Variants in CDH12 observed in about 807,000 individuals in gnomAD.
CDH12 encodes cadherin-12.
Under a neutral mutation model 74.1 loss-of-function variants are expected in CDH12, and 41 were observed. That is an observed-to-expected ratio of 0.55 (90% CI 0.43 to 0.72). The LOEUF is 0.72. Among genes scored for constraint, CDH12 ranks in the 30% least tolerant of loss-of-function variants. CDH12 has a pLI of 0.00. For synonymous variants in CDH12, 399 were observed against 355.0 expected, an observed-to-expected ratio of 1.12 and a Z score of -1.39; for missense variants, 945 against 977.2, an observed-to-expected ratio of 0.97 and a Z score of 0.44.
intron 1 of CDH12, among the ~76,000 whole-genome samples, chr5:22,834,136 C>G (rs1403223413): frequency 6.6e-6 from 1 of 152,156 alleles, no homozygotes; most frequent in Non-Finnish European, 1.5e-5. Flanking sequence ...CATTCATTAG[C>G]TAAACCTCTT....
At chr5:21,853,294 ACT>A (rs1168990928) in intron 7 of CDH12, among the ~76,000 whole-genome samples, 1 of 151,358 alleles carries the variant, frequency 6.6e-6, no homozygotes, top group African/African-American at 2.4e-5. Context: ...ATTCTCCAAA[ACT>A]CTATCGAAAT....
At chr5:22,607,206 G>C (rs900063655) in intron 1 of CDH12, among the ~76,000 whole-genome samples, 5 of 152,166 alleles carry the variant, frequency 3.3e-5, no homozygotes, top group Admixed American at 3.3e-4. Context: ...CAAGCTGTCT[G>C]CAGAAATTTG....
chr5:22,413,794 C>A (rs1418707771), intron 2 of CDH12, among the ~76,000 whole-genome samples: 2 of 151,874 alleles, frequency 1.3e-5, no homozygotes, highest in Non-Finnish European at 2.9e-5. Flanking sequence ...CCCGATTTTT[C>A]AATTTGTTAA....
At chr5:21,883,005 GA>G in intron 6 of CDH12, 1 of 1,606,672 alleles carries the variant, frequency 6.2e-7, no homozygotes, top group Non-Finnish European at 8.5e-7. Context: ...TAATCCAGTG[GA>G]AATCAGGAGA....
Position 22,589,741 on chromosome 5 carries a change from C to G in CDH12, c.-522-84377G>C, listed in dbSNP as rs545019341. The stretch of plus-strand genomic sequence containing the variant: ...TCTTCCTGGCATTTCAGTGTTAGAG[C>G]ACCTGAAGATGTGGTTCTCAGTTCT... On this transcript the variant is annotated intron_variant, in intron 1 of 14. Transcript: ENST00000382254. Among the ~76,000 whole-genome samples, 3 of 152,284 alleles carry G rather than the reference C, an allele frequency of 2.0e-5. No individual in the cohort carries two copies. In the South Asian group the frequency reaches 6.2e-4, roughly 32 times the overall value.
chr5:22,203,967 G>A (rs1751063122), intron 4 of CDH12, among the ~76,000 whole-genome samples: 1 of 151,864 alleles, frequency 6.6e-6, no homozygotes, highest in South Asian at 2.1e-4. Context: ...TAGATAAATG[G>A]GATTACATCA....
intron 3 of CDH12, among the ~76,000 whole-genome samples, chr5:22,231,016 G>A (rs1383054262): frequency 6.6e-6 from 1 of 152,094 alleles, no homozygotes; most frequent in Non-Finnish European, 1.5e-5. Context: ...ATTGCAATGT[G>A]CACAGAATAT....
In CDH12 at chr5:21,803,009, T is replaced by C. The variant is rs183486432; in HGVS notation, c.1003-589A>G. 3.3e-5 allele frequency among the ~76,000 whole-genome samples: 5 copies of C among 152,314 alleles called. No individual in the cohort carries two copies. In the East Asian group the frequency reaches 7.7e-4, roughly 24 times the overall value. On this transcript the variant is annotated intron_variant, in intron 9 of 14. Coordinates refer to ENST00000382254, the MANE Select transcript of CDH12 (RefSeq NM_004061.5). Reference sequence around the variant, plus strand: ...CATGCTAGGTAGGGCTTAATCATTTTATATGAGCAAAGTTAAAACAGCAAC... The same window carrying C: ...CATGCTAGGTAGGGCTTAATCATTTCATATGAGCAAAGTTAAAACAGCAAC...
intron 3 of CDH12, among the ~76,000 whole-genome samples, chr5:22,361,817 C>A (rs139638021): frequency 2.6e-5 from 4 of 152,216 alleles, no homozygotes; most frequent in Admixed American, 6.5e-5. Context: ...TTGACAAAAA[C>A]AAGCAATGGG....
At chr5:21,770,542 C>T (rs1045885744) in intron 11 of CDH12, among the ~76,000 whole-genome samples, 6 of 150,638 alleles carry the variant, frequency 4.0e-5, no homozygotes, top group Non-Finnish European at 7.4e-5. Flanking sequence ...CTCTTGAACC[C>T]GAGAGGTGGA....
At chr5:22,507,365 TATAAA>T (rs1218897633) in intron 1 of CDH12, among the ~76,000 whole-genome samples, 2 of 152,110 alleles carry the variant, frequency 1.3e-5, no homozygotes, top group Non-Finnish European at 2.9e-5. Context: ...TTAATGAAAT[TATAAA>T]ATAATTATAA....
chr5:22,098,440 A>C (rs1249316167), intron 4 of CDH12, among the ~76,000 whole-genome samples: 1 of 152,154 alleles, frequency 6.6e-6, no homozygotes, highest in Non-Finnish European at 1.5e-5. Flanking sequence ...CTTTCTGTCC[A>C]AACAACTTGA....
chr5:21,788,671 C>T (rs1264935039), intron 10 of CDH12, among the ~76,000 whole-genome samples: 1 of 152,078 alleles, frequency 6.6e-6, no homozygotes, highest in Non-Finnish European at 1.5e-5. Flanking sequence ...ACATCTTTCA[C>T]TTACACTTAT....
chr5:22,063,422 A>T (rs1318875307), intron 5 of CDH12, among the ~76,000 whole-genome samples: 10 of 152,120 alleles, frequency 6.6e-5, no homozygotes, highest in Non-Finnish European at 1.3e-4. Flanking sequence ...ATAATGAATC[A>T]ATTTGATCAT....
At chr5:22,546,071 A>G (rs553758107) in intron 1 of CDH12, among the ~76,000 whole-genome samples, 1 of 152,072 alleles carries the variant, frequency 6.6e-6, no homozygotes, top group Admixed American at 6.6e-5. Flanking sequence ...CAGCCTCCCA[A>G]GTAGCCAAGA....
rs199922362 is a variant in CDH12 at position 22,277,536 on chromosome 5, T to TA, written c.-332-64894dup. Among the ~76,000 whole-genome samples the TA allele has an allele frequency of 3.5e-3, 523 of 151,058 alleles. 1 individual carries two copies. Among genetic ancestry groups the TA allele is most frequent in the African/African-American group, 0.012 (491 of 41,186 alleles). On this transcript the variant is annotated intron_variant, in intron 3 of 14. Transcript: ENST00000382254. ...TTTTGTGACAGACGTATGTTCTGAT[T>TA]AAAAAAAAACAACAGGCCAGGCATG...
chr5:21,825,443 T>C (rs767618639), intron 8 of CDH12, among the ~76,000 whole-genome samples: 1 of 152,206 alleles, frequency 6.6e-6, no homozygotes, highest in Non-Finnish European at 1.5e-5. Context: ...TTCTCTGCAC[T>C]CAATACTTTC....
At chr5:22,016,445 G>A (rs894725865) in intron 5 of CDH12, among the ~76,000 whole-genome samples, 11 of 151,928 alleles carry the variant, frequency 7.2e-5, no homozygotes, top group African/African-American at 2.7e-4. Flanking sequence ...CTCCAGGCTA[G>A]AGTGCAGTGG....
chr5:22,443,925 T>C (rs1744721681), intron 2 of CDH12, among the ~76,000 whole-genome samples: 1 of 152,052 alleles, frequency 6.6e-6, no homozygotes, highest in African/African-American at 2.4e-5. Context: ...TGTGTTTGCA[T>C]AATTTTAAAA....
Sources: allele counts gnomAD v4.1 joint callset (sites outside exome capture counted in the v4.1 genomes callset), GRCh38; gene constraint gnomAD v4.1.1; transcripts MANE v1.5; gene names NCBI Gene and HGNC (gene_info 2026-07-23, HGNC 2026-07-21).